FARS2: variants seen among roughly 807,000 people sequenced by gnomAD.
The protein encoded by FARS2 is phenylalanyl-tRNA synthetase 2, mitochondrial, also known as phenylalanine--tRNA ligase, mitochondrial.
In FARS2, 40 loss-of-function variants were observed where a neutral mutation model predicts 46.4. The ratio of observed to expected loss-of-function variants is 0.86; its 90% CI spans 0.67 to 1.12. The LOEUF is 1.12. Among genes scored for constraint, FARS2 ranks in the 50% most tolerant of loss-of-function variants. The probability of loss-of-function intolerance (pLI) is 0.00; values close to 1 mark genes in which losing one functional copy is unlikely to be tolerated. For missense variants in FARS2, 513 were observed against 567.9 expected (o/e 0.90, Z 0.98); for synonymous variants, 234 against 214.9 (o/e 1.09, Z -0.78).
intron 4 of FARS2, among the ~76,000 whole-genome samples, chr6:5,494,727 C>A (rs1230570195): frequency 6.6e-6 from 1 of 152,148 alleles, no homozygotes; most frequent in Non-Finnish European, 1.5e-5. Context: ...GTATTGCCTG[C>A]ACAAGTTCAC....
At chr6:5,676,809 AT>A (rs1256952461) in intron 6 of FARS2, among the ~76,000 whole-genome samples, 1 of 152,154 alleles carries the variant, frequency 6.6e-6, no homozygotes, top group African/African-American at 2.4e-5. Context: ...TGACTGCGAG[AT>A]TCCCTCTCTC....
intron 6 of FARS2, among the ~76,000 whole-genome samples, chr6:5,735,341 T>C (rs1419339757): frequency 6.6e-6 from 1 of 152,246 alleles, no homozygotes; most frequent in Admixed American, 6.5e-5. Context: ...CCTGTGATCC[T>C]TCCTTTGGTG....
chr6:5,466,794 G>A, intron 4 of FARS2: 3 of 985,296 alleles, frequency 3.0e-6, no homozygotes, highest in Non-Finnish European at 3.6e-6. Flanking sequence ...TCTGGTGCAG[G>A]AAGTTGTTAC....
chr6:5,632,860 T>G (rs1582632919), intron 6 of FARS2, among the ~76,000 whole-genome samples: 2 of 152,100 alleles, frequency 1.3e-5, no homozygotes, highest in Non-Finnish European at 2.9e-5. Context: ...GTAAGAGTTC[T>G]TAATATATTC....
intron 2 of FARS2, among the ~76,000 whole-genome samples, chr6:5,401,401 G>A (rs541261131): frequency 1.3e-4 from 20 of 151,958 alleles, no homozygotes; most frequent in Non-Finnish European, 2.5e-4. Context: ...TTTAACTATT[G>A]CCTATGCAAT....
At chr6:5,377,758 C>G (rs1401460124) in intron 2 of FARS2, among the ~76,000 whole-genome samples, 1 of 152,152 alleles carries the variant, frequency 6.6e-6, no homozygotes, top group African/African-American at 2.4e-5. Flanking sequence ...GAGCTCTCCT[C>G]TGTTCTAGGA....
intron 4 of FARS2, among the ~76,000 whole-genome samples, chr6:5,432,490 ATT>A (rs1212585706): frequency 7.9e-6 from 1 of 126,168 alleles, no homozygotes; most frequent in Non-Finnish European, 1.6e-5. Flanking sequence ...TATAATATAT[ATT>A]ATATATATTT....
intron 6 of FARS2, among the ~76,000 whole-genome samples, chr6:5,672,588 A>T (rs1778534340): frequency 6.6e-6 from 1 of 152,182 alleles, no homozygotes. Context: ...CAAAGTAAAG[A>T]TTTAGATTTA....
intron 5 of FARS2, among the ~76,000 whole-genome samples, chr6:5,582,248 C>T (rs1455041027): frequency 2.2e-5 from 3 of 139,062 alleles, no homozygotes; most frequent in African/African-American, 8.1e-5. Context: ...TCCTGATGCG[C>T]TTCTATAAAT....
intron 4 of FARS2, among the ~76,000 whole-genome samples, chr6:5,503,442 G>A (rs1017720058): frequency 2.7e-5 from 4 of 150,868 alleles, no homozygotes; most frequent in East Asian, 1.9e-4. Context: ...AGATAACTGT[G>A]TGAGATGATG....
rs557562513 is a variant in FARS2, at chr6:5,309,191, C to G, written c.-22+47531C>G. Among the ~76,000 whole-genome samples, 16 of 152,150 alleles carry G rather than the reference C, an allele frequency of 1.1e-4. No homozygotes were observed. In the South Asian group the frequency reaches 3.1e-3, roughly 30 times the overall value. On this transcript the variant is annotated intron_variant, in intron 1 of 6. Transcript: ENST00000274680. ...GTCTCTGCCTTTCAGATTTTATAGT[C>G]AGGTTGAATTGAGAGAGAAGTAGAT...
At chr6:5,538,162 A>C (rs991016567) in intron 4 of FARS2, among the ~76,000 whole-genome samples, 1 of 151,988 alleles carries the variant, frequency 6.6e-6, no homozygotes, top group Non-Finnish European at 1.5e-5. Flanking sequence ...AAAAAAAAAA[A>C]AAAATACTGC....
intron 6 of FARS2, among the ~76,000 whole-genome samples, chr6:5,671,475 G>T (rs1249986044): frequency 6.6e-6 from 1 of 152,340 alleles, no homozygotes; most frequent in East Asian, 1.9e-4. Context: ...ACTTCCTGGT[G>T]TTACAGAAAG....
chr6:5,723,191 C>T (rs1029844549), intron 6 of FARS2, among the ~76,000 whole-genome samples: 4 of 152,022 alleles, frequency 2.6e-5, no homozygotes, highest in South Asian at 2.1e-4. Context: ...GCGAGTGTGT[C>T]GGGAGCCGTG....
At chr6:5,444,878 G>A (rs1466166736) in intron 4 of FARS2, among the ~76,000 whole-genome samples, 1 of 152,216 alleles carries the variant, frequency 6.6e-6, no homozygotes, top group Non-Finnish European at 1.5e-5. Context: ...GATGGGCAGT[G>A]GGAAGCACAT....
intron 2 of FARS2, among the ~76,000 whole-genome samples, chr6:5,400,246 T>G (rs547693551): frequency 6.6e-6 from 1 of 152,198 alleles, no homozygotes; most frequent in African/African-American, 2.4e-5. Flanking sequence ...TGTTCAGGGG[T>G]CATTTTCATA....
intron 4 of FARS2, among the ~76,000 whole-genome samples, chr6:5,543,785 G>A (rs1770778966): frequency 6.6e-6 from 1 of 152,008 alleles, no homozygotes; most frequent in South Asian, 2.1e-4. Context: ...TTCCCGTGCT[G>A]CATCCCGTCC....
At chr6:5,462,864 A>C (rs888833371) in intron 4 of FARS2, among the ~76,000 whole-genome samples, 1 of 152,240 alleles carries the variant, frequency 6.6e-6, no homozygotes, top group Non-Finnish European at 1.5e-5. Flanking sequence ...TAGGAATTTC[A>C]TCGAATCTTT....
At chr6:5,528,896 A>G (rs1479147075) in intron 4 of FARS2, among the ~76,000 whole-genome samples, 1 of 152,188 alleles carries the variant, frequency 6.6e-6, no homozygotes, top group Non-Finnish European at 1.5e-5. Context: ...CATAATAATA[A>G]TGGAAGCTGA....
Sources: allele counts gnomAD v4.1 joint callset (sites outside exome capture counted in the v4.1 genomes callset), GRCh38; gene constraint gnomAD v4.1.1; transcripts MANE v1.5; gene names NCBI Gene and HGNC (gene_info 2026-07-23, HGNC 2026-07-21).